ANKS1B: variants seen among roughly 807,000 people sequenced by gnomAD.
The protein encoded by ANKS1B is ankyrin repeat and sterile alpha motif domain-containing protein 1B.
In ANKS1B, 36 loss-of-function variants were observed where a neutral mutation model predicts 148.3. The observed-to-expected ratio is 0.24, with a 90% CI of 0.19 to 0.32. The LOEUF (loss-of-function observed/expected upper bound fraction) is 0.32, where lower values mean the gene tolerates loss of function less well. Ranked by LOEUF, ANKS1B falls within the 10% of genes least tolerant of loss-of-function variation. ANKS1B has a pLI of 1.00. For synonymous variants in ANKS1B, 542 were observed against 560.8 expected, an observed-to-expected ratio of 0.97 and a Z score of 0.47; for missense variants, 1,157 against 1,542.6, an observed-to-expected ratio of 0.75 and a Z score of 4.19.
intron 1 of ANKS1B, among the ~76,000 whole-genome samples, chr12:99,977,799 T>C (rs2095647112): frequency 6.6e-6 from 1 of 152,166 alleles, no homozygotes; most frequent in Non-Finnish European, 1.5e-5. Flanking sequence ...GATAGAAGCG[T>C]CTTCTTTGTA....
chr12:99,157,531 A>T (rs1316912735), intron 14 of ANKS1B, among the ~76,000 whole-genome samples: 1 of 152,206 alleles, frequency 6.6e-6, no homozygotes, highest in Admixed American at 6.5e-5. Context: ...AATAAATGAT[A>T]TTGGAAATGC....
chr12:99,983,409 T>C (rs1216253734), intron 1 of ANKS1B, among the ~76,000 whole-genome samples: 1 of 152,198 alleles, frequency 6.6e-6, no homozygotes, highest in Non-Finnish European at 1.5e-5. Flanking sequence ...CTACGACATC[T>C]TCACGTTAAA....
At chr12:98,990,569 A>G (rs1261022322) in intron 17 of ANKS1B, among the ~76,000 whole-genome samples, 4 of 151,746 alleles carry the variant, frequency 2.6e-5, no homozygotes, top group African/African-American at 7.3e-5. Flanking sequence ...AGAGAGAGAA[A>G]AAAAAAAAAA....
At chr12:99,149,090 C>T (rs2074128980) in intron 15 of ANKS1B, among the ~76,000 whole-genome samples, 1 of 151,884 alleles carries the variant, frequency 6.6e-6, no homozygotes. Context: ...ACTAATCTCA[C>T]CTTTTAAGGA....
At chr12:98,966,557 C>T (rs2099878089) in intron 17 of ANKS1B, among the ~76,000 whole-genome samples, 1 of 151,948 alleles carries the variant, frequency 6.6e-6, no homozygotes, top group South Asian at 2.1e-4. Context: ...GGGTATATAC[C>T]CAAAGGATTA....
intron 16 of ANKS1B, among the ~76,000 whole-genome samples, chr12:99,063,524 T>C (rs745340689): frequency 3.9e-5 from 6 of 152,212 alleles, no homozygotes; most frequent in Non-Finnish European, 4.4e-5. Flanking sequence ...GCTGATCTTC[T>C]GACCACGAGG....
intron 12 of ANKS1B, among the ~76,000 whole-genome samples, chr12:99,380,909 T>C (rs1263994613): frequency 6.6e-6 from 1 of 152,112 alleles, no homozygotes; most frequent in African/African-American, 2.4e-5. Flanking sequence ...ACCATGAAGT[T>C]CATGAATTTA....
At chr12:99,265,502 A>G (rs1008794728) in intron 12 of ANKS1B, among the ~76,000 whole-genome samples, 2 of 152,150 alleles carry the variant, frequency 1.3e-5, no homozygotes, top group South Asian at 2.1e-4. Context: ...TGTGATTCTG[A>G]TGCACATTAA....
intron 14 of ANKS1B, among the ~76,000 whole-genome samples, chr12:99,180,626 G>GTTTTTTTTTTTTTTTTTTTT (rs11415606): frequency 1.6e-5 from 2 of 126,042 alleles, no homozygotes; most frequent in African/African-American, 3.0e-5. Flanking sequence ...GAGGGAAAGG[G>GTTTTTTTTTTTTTTTTTTTT]TTTTTTTTTT....
intron 12 of ANKS1B, among the ~76,000 whole-genome samples, chr12:99,368,415 A>G (rs1191190949): frequency 6.6e-6 from 1 of 152,120 alleles, no homozygotes; most frequent in Non-Finnish European, 1.5e-5. Flanking sequence ...AATAATTAAA[A>G]AGTATTTAAA....
At chr12:99,553,817 G>C (rs7976908) in intron 9 of ANKS1B, among the ~76,000 whole-genome samples, 79,318 of 151,932 alleles carry the variant, frequency 0.52, 21,628 homozygotes, top group African/African-American at 0.68. Flanking sequence ...GAATTGACCC[G>C]AGGCCTTTAG....
chr12:99,407,377 AG>A (rs2094556832), intron 11 of ANKS1B, among the ~76,000 whole-genome samples: 1 of 145,852 alleles, frequency 6.9e-6, no homozygotes. Context: ...GACCTCGAAT[AG>A]TAAAAGCCAT....
At chr12:98,880,642 C>T (rs1417339170) in intron 17 of ANKS1B, among the ~76,000 whole-genome samples, 1 of 152,060 alleles carries the variant, frequency 6.6e-6, no homozygotes, top group Non-Finnish European at 1.5e-5. Flanking sequence ...GTGGCGGGCG[C>T]CTGTAGTCCC....
At chr12:99,152,128 A>G (rs995299343) in intron 15 of ANKS1B, among the ~76,000 whole-genome samples, 5 of 152,194 alleles carry the variant, frequency 3.3e-5, no homozygotes, top group African/African-American at 1.2e-4. Context: ...AATTACATAA[A>G]TTAGATTATG....
chr12:99,290,501 G>T (rs983448065), intron 12 of ANKS1B, among the ~76,000 whole-genome samples: 1 of 151,806 alleles, frequency 6.6e-6, no homozygotes, highest in Non-Finnish European at 1.5e-5. Flanking sequence ...GAACATTGAT[G>T]CCATTGATAC....
intron 25 of ANKS1B, among the ~76,000 whole-genome samples, chr12:98,768,426 TAAAAAAAAAAAAA>T (rs386377533): frequency 1.3e-4 from 6 of 46,678 alleles, no homozygotes; most frequent in African/African-American, 2.8e-4. Flanking sequence ...GGGTGCTCTC[TAAAAAAAAAAAAA>T]AAAAAAAAAA....
In ANKS1B at chr12:98,744,382, A is replaced by C. The variant is rs1180753592; in HGVS notation, c.*1357T>G. The C allele has an allele frequency of 1.1e-6, 1 of 897,516 alleles. No individual in the cohort carries two copies. The highest frequency in any genetic ancestry group is 1.8e-5 in the African/African-American group (1 of 55,444). The allele number at this position is 897,516 out of a possible 1,614,324, so 55.6% of individuals were successfully genotyped here. ...TAAAATAATGTCAGTTAATAAAAAA[A>C]CATTAAGACAATTCCACAATTTATC... On this transcript the variant is annotated 3_prime_UTR_variant, in exon 27 of 27. Transcript: ENST00000683438.
At chr12:99,979,922 G>A (rs890529905) in intron 1 of ANKS1B, among the ~76,000 whole-genome samples, 1 of 151,874 alleles carries the variant, frequency 6.6e-6, no homozygotes, top group African/African-American at 2.4e-5. Flanking sequence ...ACAGTGTGTT[G>A]AATTTAGGTT....
At chr12:99,823,548 C>T (rs1044681052) in intron 2 of ANKS1B, among the ~76,000 whole-genome samples, 6 of 152,168 alleles carry the variant, frequency 3.9e-5, no homozygotes, top group African/African-American at 1.4e-4. Flanking sequence ...TCAAGCTATC[C>T]ACCTGCTTCG....
Sources: allele counts gnomAD v4.1 joint callset (sites outside exome capture counted in the v4.1 genomes callset), GRCh38; gene constraint gnomAD v4.1.1; transcripts MANE v1.5; gene names NCBI Gene and HGNC (gene_info 2026-07-23, HGNC 2026-07-21).